The following SRRM4 variants were observed in gnomAD, a reference collection of about 807,000 sequenced individuals.
The protein encoded by SRRM4 is serine/arginine repetitive matrix 4, also known as serine/arginine repetitive matrix protein 4.
Under a neutral mutation model 68.9 loss-of-function variants are expected in SRRM4, and 33 were observed. That is an observed-to-expected ratio of 0.48 (90% CI 0.36 to 0.64). The LOEUF is 0.64. SRRM4 is among the 30% of genes least tolerant of loss of function. SRRM4 has a pLI of 0.00. For missense variants in SRRM4, 817 were observed against 827.1 expected (o/e 0.99, Z 0.15); for synonymous variants, 318 against 318.8 (o/e 1.00, Z 0.03).
At chr12:119,012,614 A>G (rs1224084409) in intron 1 of SRRM4, among the ~76,000 whole-genome samples, 2 of 152,146 alleles carry the variant, frequency 1.3e-5, no homozygotes, top group Non-Finnish European at 2.9e-5. Flanking sequence ...ATCTTTGTCT[A>G]CCACTGAGTC....
At chr12:119,020,636 C>T (rs933720850) in intron 1 of SRRM4, among the ~76,000 whole-genome samples, 1 of 152,118 alleles carries the variant, frequency 6.6e-6, no homozygotes, top group Non-Finnish European at 1.5e-5. Context: ...TAGCTCAGAG[C>T]CAGCAGGCTG....
rs35250419 is a variant in SRRM4, at chr12:118,998,268, C to CAAAAAAAAAAAAAAAAAAAAAAAAAAAA, written c.131+16259_131+16286dup. Among the ~76,000 whole-genome samples, 5 of 36,574 alleles carry CAAAAAAAAAAAAAAAAAAAAAAAAAAAA rather than the reference C, an allele frequency of 1.4e-4. 1 individual carries two copies. Among genetic ancestry groups the CAAAAAAAAAAAAAAAAAAAAAAAAAAAA allele is most frequent in the Non-Finnish European group, 2.3e-4 (5 of 22,042 alleles). The allele number at this position is 36,574 out of a possible 152,430, so 24.0% of individuals were successfully genotyped here. On this transcript the variant is annotated intron_variant, in intron 1 of 12. Coordinates refer to ENST00000267260, the MANE Select transcript of SRRM4 (RefSeq NM_194286.4). ...AACTGAGTGGATAAGAGCAATATGG[C>CAAAAAAAAAAAAAAAAAAAAAAAAAAAA]AAAAAAAAAAAAAAAAAAAAAAAAA... is the stretch of plus-strand genomic sequence containing the variant.
At chr12:119,055,254 C>A (rs1953769217) in intron 1 of SRRM4, among the ~76,000 whole-genome samples, 1 of 152,098 alleles carries the variant, frequency 6.6e-6, no homozygotes, top group African/African-American at 2.4e-5. Flanking sequence ...TGTTCTGTGA[C>A]AGACAACCAA....
In SRRM4 at chr12:118,986,958, G is replaced by T. The variant is rs543086354; in HGVS notation, c.131+4945G>T. 5.5e-4 allele frequency among the ~76,000 whole-genome samples: 83 copies of T among 151,872 alleles called. No homozygotes were observed. In the South Asian group the frequency reaches 0.017, roughly 31 times the overall value. The stretch of plus-strand genomic sequence containing the variant: ...TCAGAGTGGCTGGATTTACCTTCCC[G>T]TGAAGTGGAAGAATTCACAGGGGCT... On this transcript the variant is annotated intron_variant, in intron 1 of 12. Coordinates refer to ENST00000267260, the MANE Select transcript of SRRM4 (RefSeq NM_194286.4).
chr12:119,033,563 C>T (rs1211166968), intron 1 of SRRM4, among the ~76,000 whole-genome samples: 1 of 151,878 alleles, frequency 6.6e-6, no homozygotes, highest in Non-Finnish European at 1.5e-5. Context: ...ACTCCGGAGG[C>T]TGAGGCAGGA....
At chr12:119,130,457 G>A (rs1565915595) in intron 7 of SRRM4, among the ~76,000 whole-genome samples, 3 of 144,578 alleles carry the variant, frequency 2.1e-5, no homozygotes, top group Non-Finnish European at 4.7e-5. Context: ...TTAAATGGAT[G>A]AATGGATGGT....
intron 1 of SRRM4, among the ~76,000 whole-genome samples, chr12:119,080,361 A>G (rs1953940704): frequency 6.6e-6 from 1 of 152,126 alleles, no homozygotes; most frequent in African/African-American, 2.4e-5. Flanking sequence ...ATTAACATAT[A>G]TATATTGCAC....
At chr12:119,057,789 T>A (rs1719251423) in intron 1 of SRRM4, among the ~76,000 whole-genome samples, 1 of 152,264 alleles carries the variant, frequency 6.6e-6, no homozygotes, top group Admixed American at 6.5e-5. Context: ...CCACAATGGC[T>A]GAACTAATTT....
At chr12:119,098,109 C>T (rs546441948) in intron 1 of SRRM4, among the ~76,000 whole-genome samples, 91 of 152,242 alleles carry the variant, frequency 6.0e-4, no homozygotes, top group African/African-American at 2.0e-3. Context: ...GGAAGCCAGC[C>T]GCCATGTTGT....
At chr12:119,090,268 G>T (rs1954005650) in intron 1 of SRRM4, among the ~76,000 whole-genome samples, 1 of 152,156 alleles carries the variant, frequency 6.6e-6, no homozygotes, top group Non-Finnish European at 1.5e-5. Context: ...CATGGTGTGG[G>T]TCTATGTCTT....
chr12:118,998,268 C>CAAAAAAAAAAAAAAAAAAA lies in SRRM4; in HGVS notation c.131+16268_131+16286dup, dbSNP rs35250419. Among the ~76,000 whole-genome samples the CAAAAAAAAAAAAAAAAAAA allele has an allele frequency of 1.6e-4, 6 of 36,574 alleles. 2 individuals are homozygous for CAAAAAAAAAAAAAAAAAAA. Among genetic ancestry groups the CAAAAAAAAAAAAAAAAAAA allele is most frequent in the African/African-American group, 3.5e-4 (3 of 8,592 alleles). 24.0% of individuals were successfully genotyped at this position (36,574 alleles called of 152,430 possible). A position where few individuals can be genotyped will look rare whatever the true frequency, so the allele number is the denominator to read the frequency against. ...AACTGAGTGGATAAGAGCAATATGG[C>CAAAAAAAAAAAAAAAAAAA]AAAAAAAAAAAAAAAAAAAAAAAAA... On this transcript the variant is annotated intron_variant, in intron 1 of 12. Transcript: ENST00000267260.
chr12:119,016,988 A>T (rs1427439739), intron 1 of SRRM4, among the ~76,000 whole-genome samples: 2 of 152,234 alleles, frequency 1.3e-5, no homozygotes, highest in Non-Finnish European at 2.9e-5. Flanking sequence ...ATTAAATGAG[A>T]TGATATTTGT....
At chr12:118,989,968 C>T (rs961135090) in intron 1 of SRRM4, 2 of 152,216 alleles carry the variant, frequency 1.3e-5, no homozygotes, top group South Asian at 2.1e-4. Context: ...CGTGCATCTT[C>T]ATGGTGTGTG....
Position 119,125,395 on chromosome 12 carries a change from C to G in SRRM4, c.530C>G (p.Pro177Arg), listed in dbSNP as rs1954251237. ...KRHKKQSRSR[P>R]RKSHRHRHHR... ...ATCCCCCCAAGATCTCGAAGCCGGC[C>G]CCGAAAGTCTCACCGCCACCGCCAT... The change falls in exon 7 of 13, where the codon CCC becomes CGC. Residue 177 changes from proline to arginine, a missense_variant. By Grantham distance (103) the Pro-to-Arg change is moderately radical. Transcript: ENST00000267260. 2 of 1,613,062 alleles carry G rather than the reference C, an allele frequency of 1.2e-6. No individual in the cohort carries two copies. Among genetic ancestry groups the G allele is most frequent in the Non-Finnish European group, 1.7e-6 (2 of 1,179,556 alleles).
chr12:119,133,361 G>T (rs758115443), intron 8 of SRRM4, among the ~76,000 whole-genome samples: 1 of 152,332 alleles, frequency 6.6e-6, no homozygotes, highest in South Asian at 2.1e-4. Context: ...CACAATAGTA[G>T]TAGCAGTGGT....
intron 1 of SRRM4, among the ~76,000 whole-genome samples, chr12:119,032,376 G>A (rs1407232204): frequency 6.6e-6 from 1 of 152,144 alleles, no homozygotes; most frequent in African/African-American, 2.4e-5. Flanking sequence ...TAAGCATGGT[G>A]TTCTGTGTAA....
intron 1 of SRRM4, among the ~76,000 whole-genome samples, chr12:119,040,228 G>T (rs1953657827): frequency 6.6e-6 from 1 of 151,812 alleles, no homozygotes; most frequent in Admixed American, 6.6e-5. Context: ...ATTTATTGGG[G>T]TACAGGTGGT....
intron 1 of SRRM4, among the ~76,000 whole-genome samples, chr12:119,083,649 T>C (rs979872877): frequency 6.6e-6 from 1 of 152,186 alleles, no homozygotes; most frequent in Non-Finnish European, 1.5e-5. Flanking sequence ...AGAATTCTTA[T>C]GTCTAATGCT....
At chr12:119,064,924 C>T (rs1022006327) in intron 1 of SRRM4, among the ~76,000 whole-genome samples, 6 of 152,032 alleles carry the variant, frequency 3.9e-5, no homozygotes, top group South Asian at 2.1e-4. Flanking sequence ...TTAATATGAG[C>T]GAACTGCCCC....
Sources: allele counts gnomAD v4.1 joint callset (sites outside exome capture counted in the v4.1 genomes callset), GRCh38; gene constraint gnomAD v4.1.1; transcripts MANE v1.5; gene names NCBI Gene and HGNC (gene_info 2026-07-23, HGNC 2026-07-21).